The following SEPTIN6 variants were observed in gnomAD, a reference collection of about 807,000 sequenced individuals.
The protein encoded by SEPTIN6 is septin-6.
In SEPTIN6, 8 loss-of-function variants were observed where a neutral mutation model predicts 33.6. That is an observed-to-expected ratio of 0.24 (90% CI 0.14 to 0.43). The LOEUF (loss-of-function observed/expected upper bound fraction) is 0.43. Among genes scored for constraint, SEPTIN6 ranks in the 20% least tolerant of loss-of-function variants. The probability of loss-of-function intolerance (pLI) is 1.00; values close to 1 mark genes in which losing one functional copy is unlikely to be tolerated. For synonymous variants in SEPTIN6, 131 were observed against 140.0 expected (o/e 0.94, Z 0.45); for missense variants, 250 against 340.8 (o/e 0.73, Z 2.10).
chrX:119,681,563 GAA>G (rs61202455), intron 1 of SEPTIN6, among the ~76,000 whole-genome samples: 152 of 105,000 alleles, frequency 1.4e-3, no homozygotes, highest in African/African-American at 4.8e-3. Flanking sequence ...TTATAATGCT[GAA>G]AAAAAAAACC....
chrX:119,637,169 C>A lies in SEPTIN6; in HGVS notation c.814G>T (p.Val272Leu). 1 of 1,211,862 alleles carries A rather than the reference C, an allele frequency of 8.3e-7. No homozygotes were observed. The highest frequency in any genetic ancestry group is 1.1e-6 in the Non-Finnish European group (1 of 895,452). Residue 272 changes from valine (V) to leucine (L), a missense_variant, in exon 7 of 11, where the codon GTG becomes TTG. This residue lies in a region of SEPTIN6 where 139 missense variants were observed against 227.0 expected (regional missense o/e 0.61). Coordinates refer to ENST00000394610, the MANE Select transcript of SEPTIN6 (RefSeq NM_145799.4). ...CGAATCAGCATCTCCCGCAGCTTCA[C>A]AAAGTCGCAGTGGGCCTCGTTTTCA... ...QVENEAHCDFVKLREMLIRVN... is the reference protein window; with the variant it reads ...QVENEAHCDFLKLREMLIRVN...
chrX:119,671,938 G>C (rs1246050291), intron 2 of SEPTIN6, among the ~76,000 whole-genome samples: 1 of 112,175 alleles, frequency 8.9e-6, no homozygotes, highest in Non-Finnish European at 1.9e-5. Context: ...TGGACCCTTT[G>C]CGAAGTCAGT....
At chrX:119,663,459 C>CAAA in intron 3 of SEPTIN6, 23 bp downstream of exon 3, 1 of 437,928 alleles carries the variant, frequency 2.3e-6, no homozygotes, top group Non-Finnish European at 4.0e-6. Flanking sequence ...CCCCACCCTA[C>CAAA]CCCACCCCAC....
intron 3 of SEPTIN6, among the ~76,000 whole-genome samples, chrX:119,661,152 A>G (rs187109387): frequency 9.4e-5 from 10 of 106,895 alleles, no homozygotes; most frequent in Non-Finnish European, 1.3e-4. Flanking sequence ...TTGGCTGGGC[A>G]CGGTGGCTCA....
intron 8 of SEPTIN6, among the ~76,000 whole-genome samples, chrX:119,631,005 G>A (rs919785677): frequency 3.6e-5 from 4 of 110,715 alleles, no homozygotes; most frequent in Non-Finnish European, 7.6e-5. Context: ...AGTAAGAGCA[G>A]AGCAAGCCGA....
intron 4 of SEPTIN6, among the ~76,000 whole-genome samples, chrX:119,650,338 A>T (rs1210896606): frequency 8.9e-6 from 1 of 112,345 alleles, no homozygotes; most frequent in Non-Finnish European, 1.9e-5. Flanking sequence ...TCCAGGAGGT[A>T]TTATTACTAC....
In SEPTIN6 at chrX:119,617,207, G is replaced by T; in HGVS notation, c.*2886C>A. 1.2e-6 allele frequency: 1 copy of T among 806,635 alleles called. No individual in the cohort carries two copies. The allele number at this position is 806,635 out of a possible 1,213,427, so 66.5% of individuals were successfully genotyped here. On this transcript the variant is annotated 3_prime_UTR_variant, in exon 11 of 11. Coordinates refer to ENST00000394610, the MANE Select transcript of SEPTIN6 (RefSeq NM_145799.4). ...AAGCACAGACCATTTCTAATGACTG[G>T]TTTTGTTTCACCAGAAGTAAACAGA...
chrX:119,670,008 C>T (rs185549271), intron 2 of SEPTIN6, among the ~76,000 whole-genome samples: 424 of 111,826 alleles, frequency 3.8e-3, no homozygotes, highest in African/African-American at 0.013. Context: ...GGATGAGTCT[C>T]TTTGGGGCTT....
intron 3 of SEPTIN6, among the ~76,000 whole-genome samples, chrX:119,657,679 A>ATT (rs112010913): frequency 3.1e-4 from 34 of 110,450 alleles, no homozygotes; most frequent in Admixed American, 2.5e-3. Flanking sequence ...CACCTGGCTA[A>ATT]TTTTTTATTT....
At chrX:119,628,281 A>AT (rs35908035) in intron 9 of SEPTIN6, among the ~76,000 whole-genome samples, 39 of 77,840 alleles carry the variant, frequency 5.0e-4, no homozygotes, top group East Asian at 4.6e-3. Context: ...TAATTTCTGT[A>AT]TTTTTTTTTT....
At chrX:119,663,376 G>T in intron 3 of SEPTIN6, 106 bp downstream of exon 3, 1 of 696,569 alleles carries the variant, frequency 1.4e-6, no homozygotes, top group Non-Finnish European at 2.1e-6. Flanking sequence ...TGGGAGGACA[G>T]GCTTGGGCCC....
intron 10 of SEPTIN6, among the ~76,000 whole-genome samples, chrX:119,622,650 A>C (rs944401870): frequency 1.1e-4 from 12 of 112,547 alleles, no homozygotes; most frequent in African/African-American, 3.9e-4. Context: ...ATGGCCACTA[A>C]CAATGATTTA....
At chrX:119,677,410 CA>C (rs1354857333) in intron 1 of SEPTIN6, among the ~76,000 whole-genome samples, 1 of 111,822 alleles carries the variant, frequency 8.9e-6, no homozygotes, top group Non-Finnish European at 1.9e-5. Context: ...GGGGAGGGGA[CA>C]GGGGAGAAGG....
chrX:119,658,267 G>C (rs191507418), intron 3 of SEPTIN6, among the ~76,000 whole-genome samples: 26 of 111,800 alleles, frequency 2.3e-4, no homozygotes, highest in Non-Finnish European at 3.8e-5. Context: ...TTGGAGGGAG[G>C]GGGGCAGATT....
chrX:119,679,575 C>G (rs971594905), intron 1 of SEPTIN6, among the ~76,000 whole-genome samples: 11 of 111,868 alleles, frequency 9.8e-5, no homozygotes, highest in African/African-American at 3.6e-4. Flanking sequence ...AGGGATGAGC[C>G]TCTGCCGGGA....
rs188962751 is a variant in SEPTIN6 at position 119,669,791 on chromosome X, C to T, written c.145+5763G>A. Among the ~76,000 whole-genome samples the T allele has an allele frequency of 1.2e-3, 129 of 111,846 alleles. 1 individual carries two copies. The highest frequency in any genetic ancestry group is 4.0e-3 in the African/African-American group (123 of 30,807). ...CTTTCCCAGATATGAAGGGATGAAA[C>T]AATTGATCCTTGGCCTTGATAGAAT... On this transcript the variant is annotated intron_variant, in intron 2 of 10. Coordinates refer to ENST00000394610, the MANE Select transcript of SEPTIN6 (RefSeq NM_145799.4).
intron 3 of SEPTIN6, 24 bp downstream of exon 3, chrX:119,663,449 CCCCACCCTA>C: frequency 1.9e-6 from 1 of 518,421 alleles, no homozygotes; most frequent in Non-Finnish European, 3.3e-6. Flanking sequence ...CTACCAACCT[CCCCACCCTA>C]CCCCACCCCA....
At chrX:119,637,000 G>A (rs774156450) in intron 7 of SEPTIN6, 27 bp downstream of exon 7, 24 of 1,196,623 alleles carry the variant, frequency 2.0e-5, no homozygotes, top group Non-Finnish European at 2.7e-5. Flanking sequence ...GCTGGGCTGG[G>A]CTGGGCTGGG....
intron 4 of SEPTIN6, 105 bp downstream of exon 4, chrX:119,652,749 G>A (rs2054370649): frequency 1.6e-6 from 1 of 619,377 alleles, no homozygotes; most frequent in Non-Finnish European, 2.5e-6. Flanking sequence ...AGGGAATGAG[G>A]GAGAGGATGA....
Sources: allele counts gnomAD v4.1 joint callset (sites outside exome capture counted in the v4.1 genomes callset), GRCh38; gene constraint gnomAD v4.1.1; regional missense constraint gnomAD v4.1.1; transcripts MANE v1.5; gene names NCBI Gene and HGNC (gene_info 2026-07-23, HGNC 2026-07-21).